Variants in SOS2 observed in about 807,000 individuals in gnomAD.
SOS2 encodes the protein son of sevenless homolog 2.
In SOS2, 65 loss-of-function variants were observed where a neutral mutation model predicts 148.2. The ratio of observed to expected loss-of-function variants is 0.44; its 90% CI spans 0.36 to 0.54. The LOEUF (loss-of-function observed/expected upper bound fraction) is 0.54. Among genes scored for constraint, SOS2 ranks in the 20% least tolerant of loss-of-function variants. SOS2 has a pLI of 0.00. For missense variants in SOS2, 1,341 were observed against 1,590.2 expected, an observed-to-expected ratio of 0.84 and a Z score of 2.67; for synonymous variants, 539 against 537.1, an observed-to-expected ratio of 1.00 and a Z score of -0.05.
Position 50,117,693 on chromosome 14 carries a change from AC to A in SOS2, c.*650del, listed in dbSNP as rs1156320628. On this transcript the variant is annotated 3_prime_UTR_variant, in exon 23 of 23. Transcript: ENST00000216373. Reference sequence around the variant, plus strand: ...AACAAAAGGCACATCTGAATGAGATACATGCCCTTTTTCCCTCCATCATTGG... The same window carrying A: ...AACAAAAGGCACATCTGAATGAGATAATGCCCTTTTTCCCTCCATCATTGG... The A allele has an allele frequency of 6.6e-6, 1 of 152,280 alleles. No homozygotes were observed. Among genetic ancestry groups the A allele is most frequent in the Non-Finnish European group, 1.5e-5 (1 of 68,052 alleles). 9.4% of individuals were successfully genotyped at this position (152,280 alleles called of 1,614,324 possible). A position where few individuals can be genotyped will look rare whatever the true frequency, so the allele number is the denominator to read the frequency against.
chr14:50,229,886 A>C (rs1043968993), intron 1 of SOS2, among the ~76,000 whole-genome samples: 1 of 152,222 alleles, frequency 6.6e-6, no homozygotes, highest in African/African-American at 2.4e-5. Context: ...CTTTTAATTC[A>C]GGCCAGAGTT....
intron 4 of SOS2, among the ~76,000 whole-genome samples, chr14:50,192,470 C>A (rs766562341): frequency 6.6e-6 from 1 of 151,336 alleles, no homozygotes; most frequent in Admixed American, 6.6e-5. Flanking sequence ...GTGGGAGAAT[C>A]GCTTGAACAC....
At chr14:50,169,049 C>T (rs1168805213) in intron 8 of SOS2, among the ~76,000 whole-genome samples, 2 of 152,272 alleles carry the variant, frequency 1.3e-5, no homozygotes, top group East Asian at 1.9e-4. Flanking sequence ...CAGTGGCTCA[C>T]GCCTGTAATC....
At chr14:50,173,217 G>T (rs1312092742) in intron 8 of SOS2, among the ~76,000 whole-genome samples, 1 of 151,866 alleles carries the variant, frequency 6.6e-6, no homozygotes, top group Non-Finnish European at 1.5e-5. Context: ...ATACCACATC[G>T]TTGGTTTAGA....
chr14:50,201,991 T>C (rs1296978450), intron 2 of SOS2, among the ~76,000 whole-genome samples: 1 of 152,194 alleles, frequency 6.6e-6, no homozygotes, highest in African/African-American at 2.4e-5. Context: ...ACTCTGTCTG[T>C]GTCACTTCTG....
In SOS2 at chr14:50,148,500, G is replaced by A. The variant is rs1387668234; in HGVS notation, c.2384+1508C>T. Among the ~76,000 whole-genome samples, 3 of 152,022 alleles carry A rather than the reference G, an allele frequency of 2.0e-5. No individual in the cohort carries two copies. In the East Asian group the frequency reaches 5.8e-4, roughly 29 times the overall value. Reference sequence around the variant, plus strand: ...TGAAAGTAGGTCCACATGAAGTGAAGTGCTTTTTTTCTGATGTCCATTCAT... The same window carrying A: ...TGAAAGTAGGTCCACATGAAGTGAAATGCTTTTTTTCTGATGTCCATTCAT... On this transcript the variant is annotated intron_variant, in intron 14 of 22. Transcript: ENST00000216373.
Position 50,182,579 on chromosome 14 carries a change from A to C in SOS2, c.742T>G (p.Ser248Ala). ...TTCACAGTCAATTCATGTATATCTG[A>C]AATGTTACTAAAAATCTTTTCGATA... ...SDIEKIFSNI[S>A]DIHELTVKLL... is the part of the protein sequence containing the mutation. Residue 248 changes from serine to alanine, a missense_variant, in exon 6 of 23, where the codon TCA (serine) becomes GCA (alanine). This residue lies in a region of SOS2 where 574 missense variants were observed against 711.1 expected (regional missense o/e 0.81). Coordinates refer to ENST00000216373, the MANE Select transcript of SOS2 (RefSeq NM_006939.4). The C allele has an allele frequency of 6.2e-7, 1 of 1,605,444 alleles. No homozygotes were observed. The highest frequency in any genetic ancestry group is 8.5e-7 in the Non-Finnish European group (1 of 1,173,138).
At chr14:50,129,086 T>G (rs1358712613) in intron 21 of SOS2, among the ~76,000 whole-genome samples, 2 of 152,162 alleles carry the variant, frequency 1.3e-5, no homozygotes, top group African/African-American at 4.8e-5. Flanking sequence ...ATTTTTGAGT[T>G]ATTTTGTTTT....
intron 4 of SOS2, among the ~76,000 whole-genome samples, chr14:50,192,004 CAGCCAGGCATGGTGGTTCA>C: frequency 6.6e-6 from 1 of 151,696 alleles, no homozygotes; most frequent in East Asian, 1.9e-4. Flanking sequence ...ATTTTAAACA[CAGCCAGGCATGGTGGTTCA>C]AGCCTGTGGT....
chr14:50,137,639 A>T (rs1355480509), intron 18 of SOS2, among the ~76,000 whole-genome samples: 1 of 152,132 alleles, frequency 6.6e-6, no homozygotes, highest in Non-Finnish European at 1.5e-5. Flanking sequence ...AGGTCACACA[A>T]GATCTAAAAT....
intron 1 of SOS2, among the ~76,000 whole-genome samples, chr14:50,217,685 G>A (rs569394984): frequency 5.9e-5 from 9 of 152,206 alleles, no homozygotes; most frequent in Admixed American, 3.9e-4. Context: ...GGCCGGGTGC[G>A]GTGGCTCACG....
intron 3 of SOS2, 66 bp from the exon 4 acceptor site, chr14:50,199,921 T>C (rs1886432492): frequency 9.7e-7 from 1 of 1,029,164 alleles, no homozygotes; most frequent in Non-Finnish European, 1.4e-6. Flanking sequence ...ACTTAAAAAA[T>C]TCCTATTTAA....
intron 22 of SOS2, 45 bp from the exon 23 acceptor site, chr14:50,118,898 T>A (rs2139466060): frequency 9.1e-7 from 1 of 1,093,434 alleles, no homozygotes; most frequent in Non-Finnish European, 1.2e-6. Context: ...TCTGAAAAAT[T>A]AAAAAAAAAA....
At chr14:50,189,912 G>A (rs918213733) in intron 4 of SOS2, among the ~76,000 whole-genome samples, 5 of 150,348 alleles carry the variant, frequency 3.3e-5, no homozygotes, top group Admixed American at 2.0e-4. Context: ...ACAGTGGCAT[G>A]ATCTCAGCTC....
chr14:50,182,743 T>G (rs1885783275), intron 5 of SOS2, 137 bp from the exon 6 acceptor site: 1 of 650,086 alleles, frequency 1.5e-6, no homozygotes, highest in East Asian at 2.8e-5. Context: ...ACAGTACTTT[T>G]GCTGCTGCTG....
At chr14:50,175,636 G>A (rs530604945) in intron 7 of SOS2, among the ~76,000 whole-genome samples, 38 of 152,052 alleles carry the variant, frequency 2.5e-4, no homozygotes, top group African/African-American at 8.7e-4. Context: ...AAAAATCTTA[G>A]TGTATAGCTT....
chr14:50,138,791 A>T lies in SOS2; in HGVS notation c.2786-7T>A, dbSNP rs1377173663. On this transcript the variant is annotated splice_polypyrimidine_tract_variant and splice_region_variant and intron_variant, in intron 17 of 22. Transcript: ENST00000216373. ...ATATTTGTTAAATATATTCCTAGTA[A>T]AAAAAAAAAAAGAATTTAAAGAAAA... The T allele has an allele frequency of 4.9e-6, 3 of 616,372 alleles. No individual in the cohort carries two copies. The highest frequency in any genetic ancestry group is 5.7e-5 in the South Asian group (2 of 35,088). The allele number at this position is 616,372 out of a possible 1,614,324, so 38.2% of individuals were successfully genotyped here.
At position 50,158,723 on chromosome 14, in the gene SOS2, G is replaced by C. The variant is rs1426480970; in HGVS notation, c.1853-77C>G. The C allele has an allele frequency of 4.4e-6, 4 of 902,196 alleles. No individual in the cohort carries two copies. The South Asian group carries it at 6.2e-5, about 14-fold the overall frequency. 55.9% of individuals were successfully genotyped at this position (902,196 alleles called of 1,614,324 possible). On this transcript the variant is annotated intron_variant, in intron 10 of 22. Coordinates refer to ENST00000216373, the MANE Select transcript of SOS2 (RefSeq NM_006939.4). ...TTAACTCAAAGTACCATATTTGGAG[G>C]CCTTCCTCCCTTTTTCTTTTTACTT...
chr14:50,129,392 TTTC>T (rs1413727833), intron 21 of SOS2, among the ~76,000 whole-genome samples: 1 of 152,194 alleles, frequency 6.6e-6, no homozygotes, highest in African/African-American at 2.4e-5. Flanking sequence ...GTTTTGTTGT[TTTC>T]TTTTTTTGAG....
Sources: gnomAD v4.1 joint callset for allele counts (sites outside exome capture counted in the v4.1 genomes callset) on GRCh38, gnomAD v4.1.1 for gene constraint, gnomAD v4.1.1 regional missense constraint, MANE v1.5 for transcripts, NCBI Gene and HGNC (gene_info 2026-07-23, HGNC 2026-07-21) for gene names.